NKAIN2: variants seen among roughly 807,000 people sequenced by gnomAD.
NKAIN2 encodes sodium/potassium-transporting ATPase subunit beta-1-interacting protein 2.
In NKAIN2, 14 loss-of-function variants were observed where a neutral mutation model predicts 32.6. The observed-to-expected ratio is 0.43, with a 90% CI of 0.28 to 0.67. NKAIN2 has a LOEUF of 0.67. NKAIN2 is among the 30% of genes least tolerant of loss of function. NKAIN2 has a pLI of 0.17. For synonymous variants in NKAIN2, 80 were observed against 87.2 expected, an observed-to-expected ratio of 0.92 and a Z score of 0.46; for missense variants, 198 against 258.3, an observed-to-expected ratio of 0.77 and a Z score of 1.60.
At chr6:124,179,149 G>GAT (rs1231941242) in intron 1 of NKAIN2, among the ~76,000 whole-genome samples, 4 of 152,160 alleles carry the variant, frequency 2.6e-5, no homozygotes, top group African/African-American at 7.2e-5. Context: ...AACCTGTAGG[G>GAT]ATATATATGT....
intron 3 of NKAIN2, among the ~76,000 whole-genome samples, chr6:124,553,905 C>G (rs934833552): frequency 1.1e-4 from 17 of 152,156 alleles, no homozygotes; most frequent in Admixed American, 2.0e-4. Flanking sequence ...AGCCCATCTT[C>G]TCTTTATCAC....
At chr6:124,076,886 TC>T (rs1783719622) in intron 1 of NKAIN2, among the ~76,000 whole-genome samples, 1 of 152,200 alleles carries the variant, frequency 6.6e-6, no homozygotes, top group African/African-American at 2.4e-5. Context: ...TGCCTGGTTT[TC>T]TCCATTGTAA....
intron 1 of NKAIN2, among the ~76,000 whole-genome samples, chr6:123,866,471 T>C (rs573753951): frequency 7.2e-5 from 11 of 152,174 alleles, no homozygotes; most frequent in African/African-American, 9.6e-5. Context: ...CGCTCTGTCG[T>C]CCAGGCTGGA....
At position 124,750,532 on chromosome 6, in the gene NKAIN2, G is replaced by C. The variant is rs1562362488; in HGVS notation, c.475-40807G>C. ...GGATGGATGGATGGATGGATGGATG[G>C]ATGGATGGATGGATATGAGATAAAT... On this transcript the variant is annotated intron_variant, in intron 4 of 6. Transcript: ENST00000368417. Among the ~76,000 whole-genome samples the C allele has an allele frequency of 3.0e-4, 45 of 151,800 alleles. 1 individual carries two copies. Among genetic ancestry groups the C allele is most frequent in the Middle Eastern group, 3.4e-3 (1 of 294 alleles).
At chr6:124,706,819 TTTTC>T (rs1298255919) in intron 4 of NKAIN2, among the ~76,000 whole-genome samples, 2 of 152,086 alleles carry the variant, frequency 1.3e-5, no homozygotes, top group Admixed American at 6.5e-5. Flanking sequence ...TTAAAGGATG[TTTTC>T]TTTATTTATA....
At chr6:123,998,954 G>C (rs981896730) in intron 1 of NKAIN2, among the ~76,000 whole-genome samples, 2 of 151,638 alleles carry the variant, frequency 1.3e-5, no homozygotes, top group Non-Finnish European at 2.9e-5. Flanking sequence ...ATTATTGAAG[G>C]TTTTATAGCT....
intron 1 of NKAIN2, among the ~76,000 whole-genome samples, chr6:124,058,582 A>G (rs558083932): frequency 3.3e-5 from 5 of 152,068 alleles, no homozygotes; most frequent in Non-Finnish European, 7.4e-5. Flanking sequence ...CTTGCCCTCA[A>G]TAAATGTTAC....
At chr6:124,240,838 C>G (rs1170504439) in intron 1 of NKAIN2, among the ~76,000 whole-genome samples, 1 of 152,094 alleles carries the variant, frequency 6.6e-6, no homozygotes, top group African/African-American at 2.4e-5. Context: ...CAGCACAAGA[C>G]AGGGATACCC....
rs1583582859 is a variant in NKAIN2, at chr6:124,650,671, AGCAACGCATG to A, written c.274-7512_274-7503del. On this transcript the variant is annotated intron_variant, in intron 3 of 6. Transcript: ENST00000368417. Reference sequence around the variant, plus strand: ...AACATTAGCTCATTCATGACAGTGGAGCAACGCATGGCCTAATCACCTCTTGTTATGCCCC... The same window carrying A: ...AACATTAGCTCATTCATGACAGTGGAGCCTAATCACCTCTTGTTATGCCCC... 1.2e-4 allele frequency among the ~76,000 whole-genome samples: 19 copies of A among 152,262 alleles called. No homozygotes were observed. The East Asian group carries it at 3.7e-3, about 29-fold the overall frequency.
At chr6:124,258,430 G>T (rs1285456365) in intron 1 of NKAIN2, among the ~76,000 whole-genome samples, 2 of 152,154 alleles carry the variant, frequency 1.3e-5, no homozygotes, top group Admixed American at 6.5e-5. Context: ...CCAAAGTTAA[G>T]ATCTTGTAAA....
chr6:123,902,369 A>G (rs1210403109), intron 1 of NKAIN2, among the ~76,000 whole-genome samples: 3 of 152,148 alleles, frequency 2.0e-5, no homozygotes, highest in African/African-American at 7.2e-5. Context: ...CAAAATAAAA[A>G]AGGCTAAAAA....
At chr6:124,031,858 A>G (rs1781421235) in intron 1 of NKAIN2, among the ~76,000 whole-genome samples, 1 of 152,054 alleles carries the variant, frequency 6.6e-6, no homozygotes, top group Admixed American at 6.6e-5. Context: ...AATAAGTGCT[A>G]TTCCTCAAGG....
chr6:124,323,777 A>ATTTTTTT (rs1491556824), intron 2 of NKAIN2, among the ~76,000 whole-genome samples: 1 of 115,496 alleles, frequency 8.7e-6, no homozygotes, highest in African/African-American at 3.9e-5. Context: ...AATTCTTTTA[A>ATTTTTTT]TTTTTTCTTT....
At chr6:124,539,805 C>G (rs914363563) in intron 3 of NKAIN2, among the ~76,000 whole-genome samples, 1 of 152,078 alleles carries the variant, frequency 6.6e-6, no homozygotes, top group African/African-American at 2.4e-5. Flanking sequence ...ACTGCAACCT[C>G]CGCCTCCTGG....
intron 1 of NKAIN2, among the ~76,000 whole-genome samples, chr6:123,931,919 A>T (rs934437464): frequency 2.0e-5 from 3 of 152,148 alleles, no homozygotes; most frequent in African/African-American, 7.2e-5. Context: ...CTCTAGTTTG[A>T]CAATATCTGA....
chr6:124,711,720 C>A (rs1356862955), intron 4 of NKAIN2, among the ~76,000 whole-genome samples: 3 of 151,822 alleles, frequency 2.0e-5, no homozygotes, highest in African/African-American at 7.3e-5. Flanking sequence ...ATACATTCTT[C>A]TAATTTTTTT....
chr6:124,052,872 T>C (rs1234904148), intron 1 of NKAIN2, among the ~76,000 whole-genome samples: 1 of 151,950 alleles, frequency 6.6e-6, no homozygotes, highest in African/African-American at 2.4e-5. Flanking sequence ...TAATCTCTAC[T>C]CCAGTGGTCT....
intron 3 of NKAIN2, among the ~76,000 whole-genome samples, chr6:124,654,830 C>T (rs151005812): frequency 1.2e-3 from 182 of 152,280 alleles, no homozygotes; most frequent in African/African-American, 4.1e-3. Flanking sequence ...CCATCAGAGG[C>T]ATGCAATGGA....
chr6:124,509,419 G>T (rs1157428302), intron 3 of NKAIN2, among the ~76,000 whole-genome samples: 1 of 152,184 alleles, frequency 6.6e-6, no homozygotes, highest in African/African-American at 2.4e-5. Flanking sequence ...ACTCGGTTTT[G>T]TTCTTCTATC....
Sources: allele counts gnomAD v4.1 joint callset (sites outside exome capture counted in the v4.1 genomes callset), GRCh38; gene constraint gnomAD v4.1.1; transcripts MANE v1.5; gene names NCBI Gene and HGNC (gene_info 2026-07-23, HGNC 2026-07-21).